KDM6A: variants seen among roughly 807,000 people sequenced by gnomAD.
KDM6A encodes the protein lysine demethylase 6A.
KDM6A carries 11 observed loss-of-function variants against 117.6 expected under a neutral mutation model. That is an observed-to-expected ratio of 0.09 (90% CI 0.06 to 0.15). The LOEUF (loss-of-function observed/expected upper bound fraction) is 0.15. Ranked by LOEUF, KDM6A falls within the 10% of genes least tolerant of loss-of-function variation. The pLI is 1.00. For missense variants in KDM6A, 799 were observed against 1,077.3 expected, an observed-to-expected ratio of 0.74 and a Z score of 3.62; for synonymous variants, 384 against 396.1, an observed-to-expected ratio of 0.97 and a Z score of 0.36.
intron 2 of KDM6A, among the ~76,000 whole-genome samples, chrX:44,951,707 C>G (rs758240008): frequency 3.7e-4 from 41 of 110,380 alleles, no homozygotes; most frequent in African/African-American, 1.2e-3. Flanking sequence ...GGAGGAGGAG[C>G]TAGTGTGTAG....
intron 8 of KDM6A, among the ~76,000 whole-genome samples, chrX:45,042,706 TA>T (rs1212500293): frequency 7.5e-5 from 8 of 106,952 alleles, no homozygotes; most frequent in African/African-American, 2.9e-4. Flanking sequence ...CTTCTCTACA[TA>T]GGAAGAAGTT....
At position 44,907,005 on chromosome X, in the gene KDM6A, A is replaced by G. The variant is rs1260943410; in HGVS notation, c.225+33018A>G. ...ATTTTTCTATTTTAGACATTTTCCT[A>G]CTATGGAAGGTAACCTTTCCCCCCC... On this transcript the variant is annotated intron_variant, in intron 2 of 29. Coordinates refer to ENST00000611820, the MANE Select transcript of KDM6A (RefSeq NM_001291415.2). 2.7e-5 allele frequency among the ~76,000 whole-genome samples: 3 copies of G among 110,808 alleles called. No individual in the cohort carries two copies. In the East Asian group the frequency reaches 8.4e-4, roughly 31 times the overall value.
chrX:45,075,246 G>T (rs1415721187), intron 18 of KDM6A, among the ~76,000 whole-genome samples: 3 of 111,343 alleles, frequency 2.7e-5, no homozygotes, highest in Non-Finnish European at 5.7e-5. Flanking sequence ...TACTTGAGTT[G>T]TTTCTTTCCC....
At chrX:44,885,509 T>C (rs1009836350) in intron 2 of KDM6A, among the ~76,000 whole-genome samples, 2 of 110,788 alleles carry the variant, frequency 1.8e-5, no homozygotes, top group Admixed American at 1.9e-4. Flanking sequence ...CCCTCTGTGC[T>C]TGCTTTGGCA....
At chrX:44,936,584 C>T (rs1227007275) in intron 2 of KDM6A, among the ~76,000 whole-genome samples, 1 of 111,773 alleles carries the variant, frequency 8.9e-6, no homozygotes, top group African/African-American at 3.3e-5. Context: ...ATCATTGTTA[C>T]TACTACAGGT....
chrX:45,023,005 C>A (rs1038376205), intron 6 of KDM6A, among the ~76,000 whole-genome samples: 1 of 111,855 alleles, frequency 8.9e-6, no homozygotes, highest in South Asian at 3.7e-4. Flanking sequence ...GGAGAAAGAT[C>A]CTGGTTGCCT....
At chrX:44,945,863 G>T (rs932511001) in intron 2 of KDM6A, among the ~76,000 whole-genome samples, 1 of 111,439 alleles carries the variant, frequency 9.0e-6, no homozygotes, top group East Asian at 2.8e-4. Context: ...GCCCAATACC[G>T]TATTACCTTT....
intron 2 of KDM6A, among the ~76,000 whole-genome samples, chrX:44,879,274 A>T (rs1024749092): frequency 1.8e-5 from 2 of 112,119 alleles, no homozygotes; most frequent in Admixed American, 9.5e-5. Context: ...ACTCTTTGAA[A>T]TTGATGTTAA....
At chrX:45,007,735 C>T (rs186232664) in intron 4 of KDM6A, among the ~76,000 whole-genome samples, 1 of 111,402 alleles carries the variant, frequency 9.0e-6, no homozygotes, top group East Asian at 2.8e-4. Flanking sequence ...GGAGTTTAGT[C>T]AACACACAAG....
chrX:45,075,915 AAGTT>A (rs1312227779), intron 18 of KDM6A, among the ~76,000 whole-genome samples: 3 of 111,353 alleles, frequency 2.7e-5, no homozygotes, highest in East Asian at 5.6e-4. Context: ...TCGGTGGGGT[AAGTT>A]AGTTAAACTG....
At chrX:44,905,837 C>G (rs1204915330) in intron 2 of KDM6A, among the ~76,000 whole-genome samples, 1 of 112,356 alleles carries the variant, frequency 8.9e-6, no homozygotes, top group Admixed American at 9.4e-5. Flanking sequence ...ACCAAATCTA[C>G]CATCATATTC....
At position 44,932,896 on chromosome X, in the gene KDM6A, T is replaced by C. The variant is rs753797375; in HGVS notation, c.226-28388T>C. Reference sequence around the variant, plus strand: ...TCTGTATTTCTTTTTTCTTTCTTTTTTTTTTTTTGAGATGGAGTTTCGCTC... The same window carrying C: ...TCTGTATTTCTTTTTTCTTTCTTTTCTTTTTTTTGAGATGGAGTTTCGCTC... On this transcript the variant is annotated intron_variant, in intron 2 of 29. Coordinates refer to ENST00000611820, the MANE Select transcript of KDM6A (RefSeq NM_001291415.2). 2.8e-5 allele frequency among the ~76,000 whole-genome samples: 3 copies of C among 109,044 alleles called. No homozygotes were observed. The South Asian group carries it at 1.2e-3, about 43-fold the overall frequency. 94.7% of individuals were successfully genotyped at this position (109,044 alleles called of 115,157 possible). A position where few individuals can be genotyped will look rare whatever the true frequency, so the allele number is the denominator to read the frequency against.
intron 4 of KDM6A, among the ~76,000 whole-genome samples, chrX:45,010,293 T>C (rs930863142): frequency 9.2e-6 from 1 of 108,834 alleles, no homozygotes; most frequent in African/African-American, 3.4e-5. Context: ...TGTGATCGCG[T>C]TGGGGTGACA....
intron 6 of KDM6A, among the ~76,000 whole-genome samples, chrX:45,029,223 T>C (rs1388556085): frequency 9.0e-6 from 1 of 110,623 alleles, no homozygotes; most frequent in Non-Finnish European, 1.9e-5. Flanking sequence ...TTGCCTGAGG[T>C]CAGGAGTTTG....
In KDM6A at chrX:45,002,628, T is replaced by C. The variant is rs138978782; in HGVS notation, c.385-8333T>C. 3.9e-3 allele frequency among the ~76,000 whole-genome samples: 437 copies of C among 112,293 alleles called. 28 individuals carry two copies. The East Asian group carries it at 0.093, about 24-fold the overall frequency. On this transcript the variant is annotated intron_variant, in intron 4 of 29. Coordinates refer to ENST00000611820, the MANE Select transcript of KDM6A (RefSeq NM_001291415.2). The stretch of plus-strand genomic sequence containing the variant: ...CCTTACAAACCTTGCACATAAACTG[T>C]TTCTTCAATAGTTTTACATTCAGGA...
At chrX:45,082,923 C>G (rs2045481388) in intron 23 of KDM6A, 134 bp downstream of exon 23, 1 of 484,297 alleles carries the variant, frequency 2.1e-6, no homozygotes, top group Non-Finnish European at 3.5e-6. Flanking sequence ...TTAAGCTAAA[C>G]TTTTTTTGCT....
chrX:44,925,521 A>G (rs1438579679), intron 2 of KDM6A, among the ~76,000 whole-genome samples: 2 of 111,723 alleles, frequency 1.8e-5, no homozygotes, highest in African/African-American at 6.5e-5. Flanking sequence ...TTTAGTTTTG[A>G]TTTTGTGTTT....
chrX:44,957,090 G>T (rs1052786489), intron 2 of KDM6A, among the ~76,000 whole-genome samples: 1 of 109,880 alleles, frequency 9.1e-6, no homozygotes, highest in African/African-American at 3.3e-5. Flanking sequence ...AGACCACACC[G>T]TTGCACTCCA....
intron 4 of KDM6A, among the ~76,000 whole-genome samples, chrX:44,981,887 C>G (rs761985041): frequency 1.8e-5 from 2 of 111,786 alleles, no homozygotes; most frequent in East Asian, 5.6e-4. Context: ...AGTTTGAGAC[C>G]AGCCTGGCCA....
Sources: allele counts gnomAD v4.1 joint callset (sites outside exome capture counted in the v4.1 genomes callset), GRCh38; gene constraint gnomAD v4.1.1; transcripts MANE v1.5; gene names NCBI Gene and HGNC (gene_info 2026-07-23, HGNC 2026-07-21).